ANKS1B: variants seen among roughly 807,000 people sequenced by gnomAD.
The protein encoded by ANKS1B is ankyrin repeat and sterile alpha motif domain containing 1B.
In ANKS1B, 36 loss-of-function variants were observed where a neutral mutation model predicts 148.3. The observed-to-expected ratio is 0.24, with a 90% confidence interval of 0.19 to 0.32. The LOEUF (loss-of-function observed/expected upper bound fraction) is 0.32, where lower values mean the gene tolerates loss of function less well. Among genes scored for constraint, ANKS1B ranks in the 10% least tolerant of loss-of-function variants. The pLI is 1.00. For missense variants in ANKS1B, 1,157 were observed against 1,542.6 expected, an observed-to-expected ratio of 0.75 and a Z score of 4.19; for synonymous variants, 542 against 560.8, an observed-to-expected ratio of 0.97 and a Z score of 0.47.
At chr12:99,468,512 A>G (rs950638874) in intron 10 of ANKS1B, among the ~76,000 whole-genome samples, 2 of 152,214 alleles carry the variant, frequency 1.3e-5, no homozygotes, top group African/African-American at 4.8e-5. Flanking sequence ...AACCTAAAAA[A>G]TGGAAGAAAA....
intron 17 of ANKS1B, among the ~76,000 whole-genome samples, chr12:99,046,813 AAAAG>A (rs1326623598): frequency 0.017 from 1,592 of 94,764 alleles, 47 homozygotes; most frequent in South Asian, 0.14. Context: ...GTCTTAAAAA[AAAAG>A]AAAAAAAAAA....
intron 12 of ANKS1B, among the ~76,000 whole-genome samples, chr12:99,277,425 G>A (rs902560659): frequency 5.9e-5 from 9 of 152,058 alleles, no homozygotes; most frequent in African/African-American, 2.2e-4. Flanking sequence ...AGAATCCAAG[G>A]AAATATTGAT....
intron 2 of ANKS1B, among the ~76,000 whole-genome samples, chr12:99,820,410 C>T (rs1200562384): frequency 6.6e-6 from 1 of 151,764 alleles, no homozygotes; most frequent in African/African-American, 2.4e-5. Flanking sequence ...GTGTTCAAAG[C>T]AAAAGAATAA....
intron 15 of ANKS1B, among the ~76,000 whole-genome samples, chr12:99,106,653 G>A (rs1476065540): frequency 1.3e-5 from 2 of 152,136 alleles, no homozygotes; most frequent in Admixed American, 6.5e-5. Flanking sequence ...AAAGTGTAAT[G>A]ATCAAATCAG....
chr12:99,747,975 T>C (rs1024075924), intron 8 of ANKS1B, among the ~76,000 whole-genome samples: 4 of 120,744 alleles, frequency 3.3e-5, no homozygotes, highest in South Asian at 3.4e-4. Flanking sequence ...TCCTTCTATA[T>C]TGAAGCACTT....
chr12:99,819,520 AG>A lies in ANKS1B; in HGVS notation c.215+5788del, dbSNP rs199862610. On this transcript the variant is annotated intron_variant, in intron 2 of 26. Transcript: ENST00000683438. The stretch of plus-strand genomic sequence containing the variant: ...ATCTGGATTACAGATAATGAGATCT[AG>A]CATGCATTAAATACTTTAAAAGGTA... Among the ~76,000 whole-genome samples, 406 of 151,988 alleles carry A rather than the reference AG, an allele frequency of 2.7e-3. 1 individual carries two copies. The highest frequency in any genetic ancestry group is 8.7e-3 in the African/African-American group (363 of 41,554).
intron 14 of ANKS1B, among the ~76,000 whole-genome samples, chr12:99,191,937 GCC>G (rs2080773069): frequency 6.6e-6 from 1 of 151,924 alleles, no homozygotes. Context: ...TTTGAGACCA[GCC>G]TTACCAACAT....
At chr12:99,595,405 G>A (rs2097748381) in intron 9 of ANKS1B, among the ~76,000 whole-genome samples, 1 of 151,718 alleles carries the variant, frequency 6.6e-6, no homozygotes, top group Non-Finnish European at 1.5e-5. Flanking sequence ...AGTATGAATT[G>A]TTCCAATTGC....
intron 9 of ANKS1B, among the ~76,000 whole-genome samples, chr12:99,652,699 TTTTAA>T (rs1302203526): frequency 6.6e-6 from 1 of 152,154 alleles, no homozygotes; most frequent in East Asian, 1.9e-4. Flanking sequence ...CAGCTGCTAG[TTTTAA>T]TTTAATAATG....
chr12:99,106,964 G>A (rs2059350738), intron 15 of ANKS1B, among the ~76,000 whole-genome samples: 2 of 152,120 alleles, frequency 1.3e-5, no homozygotes, highest in Admixed American at 1.3e-4. Context: ...AATGGTTGGA[G>A]CAAGAACTAT....
At chr12:98,825,185 C>T (rs547828511) in intron 19 of ANKS1B, among the ~76,000 whole-genome samples, 4 of 152,018 alleles carry the variant, frequency 2.6e-5, no homozygotes, top group Non-Finnish European at 4.4e-5. Flanking sequence ...ACTGCATGTG[C>T]AATCCCAGGC....
intron 14 of ANKS1B, among the ~76,000 whole-genome samples, chr12:99,228,096 C>T (rs1378009904): frequency 6.6e-6 from 1 of 151,850 alleles, no homozygotes; most frequent in Non-Finnish European, 1.5e-5. Flanking sequence ...AAGTATGAGC[C>T]ATGGAATTAT....
intron 8 of ANKS1B, among the ~76,000 whole-genome samples, chr12:99,680,992 G>A (rs559299867): frequency 1.3e-5 from 2 of 152,178 alleles, no homozygotes; most frequent in East Asian, 3.9e-4. Flanking sequence ...GCCATAGCAA[G>A]TCCTGCCCAA....
At chr12:99,819,605 T>C (rs967142299) in intron 2 of ANKS1B, among the ~76,000 whole-genome samples, 5 of 151,734 alleles carry the variant, frequency 3.3e-5, no homozygotes, top group Non-Finnish European at 5.9e-5. Context: ...AGAAATACAA[T>C]AACGATCTGC....
In ANKS1B at chr12:99,399,059, G is replaced by A. The variant is rs574231136; in HGVS notation, c.1756+572C>T. ...AATATGTCCCTTGGCCTTGCCAGGC[G>A]TTAGCTCCTTGTCCCCCAAATAAAG... On this transcript the variant is annotated intron_variant, in intron 12 of 26. Coordinates refer to ENST00000683438, the MANE Select transcript of ANKS1B (RefSeq NM_001352186.2). Among the ~76,000 whole-genome samples, 134 of 152,186 alleles carry A rather than the reference G, an allele frequency of 8.8e-4. 1 individual carries two copies. In the South Asian group the frequency reaches 0.015, roughly 16 times the overall value.
intron 9 of ANKS1B, among the ~76,000 whole-genome samples, chr12:99,619,957 C>T (rs751715843): frequency 6.6e-6 from 1 of 152,176 alleles, no homozygotes; most frequent in Non-Finnish European, 1.5e-5. Context: ...GCACTCCACA[C>T]ATTCACCCAT....
chr12:99,911,650 A>G (rs1223965169), intron 1 of ANKS1B, among the ~76,000 whole-genome samples: 1 of 152,204 alleles, frequency 6.6e-6, no homozygotes, highest in Non-Finnish European at 1.5e-5. Context: ...TTTTTACTAT[A>G]AAAACTTTTA....
intron 19 of ANKS1B, among the ~76,000 whole-genome samples, chr12:98,822,206 G>T (rs371033537): frequency 6.6e-6 from 1 of 151,922 alleles, no homozygotes; most frequent in African/African-American, 2.4e-5. Context: ...AGGCCTATAC[G>T]CACAGAATTA....
intron 9 of ANKS1B, among the ~76,000 whole-genome samples, chr12:99,632,301 A>T (rs1278870092): frequency 2.0e-5 from 3 of 152,108 alleles, no homozygotes; most frequent in Non-Finnish European, 4.4e-5. Flanking sequence ...AAAGAATGTC[A>T]TCAAAAGCCT....
Sources: gnomAD v4.1 joint callset for allele counts (sites outside exome capture counted in the v4.1 genomes callset) on GRCh38, gnomAD v4.1.1 for gene constraint, MANE v1.5 for transcripts, NCBI Gene and HGNC (gene_info 2026-07-23, HGNC 2026-07-21) for gene names.